The following PIAS1 variants were observed in gnomAD, a reference collection of about 807,000 sequenced individuals.
PIAS1 encodes protein inhibitor of activated STAT 1.
A neutral mutation model predicts 71.3 loss-of-function variants in PIAS1; 6 were observed. That is an observed-to-expected ratio of 0.08 (90% CI 0.05 to 0.17). PIAS1 has a LOEUF of 0.17. PIAS1 is among the 10% of genes least tolerant of loss of function. PIAS1 has a pLI of 1.00. For missense variants in PIAS1, 555 were observed against 793.6 expected, an observed-to-expected ratio of 0.70 and a Z score of 3.61; for synonymous variants, 303 against 292.9, an observed-to-expected ratio of 1.03 and a Z score of -0.35.
intron 2 of PIAS1, among the ~76,000 whole-genome samples, chr15:68,118,620 G>C (rs1163432200): frequency 2.0e-5 from 3 of 152,198 alleles, no homozygotes; most frequent in Admixed American, 6.5e-5. Context: ...GGAATTACAA[G>C]TGTGATCCAC....
intron 4 of PIAS1, among the ~76,000 whole-genome samples, chr15:68,143,262 T>G (rs769102714): frequency 6.6e-6 from 1 of 152,032 alleles, no homozygotes; most frequent in Non-Finnish European, 1.5e-5. Context: ...GTCTCAATAA[T>G]CAGATACTAA....
At chr15:68,062,691 T>A (rs909026752) in intron 1 of PIAS1, among the ~76,000 whole-genome samples, 1 of 152,242 alleles carries the variant, frequency 6.6e-6, no homozygotes, top group Non-Finnish European at 1.5e-5. Context: ...AATGTGTATG[T>A]CTGTATAATA....
chr15:68,179,486 C>T (rs1464423024), intron 11 of PIAS1, among the ~76,000 whole-genome samples: 1 of 149,978 alleles, frequency 6.7e-6, no homozygotes, highest in Non-Finnish European at 1.5e-5. Flanking sequence ...CTTCATATCC[C>T]ATTCATTAAA....
rs1357549924 is a variant in PIAS1, at chr15:68,136,317, G to A, written c.470-5629G>A. On this transcript the variant is annotated intron_variant, in intron 2 of 13. Transcript: ENST00000249636. ...TGCACTCCAGCCTGGGCACCATTGAGCACTGAGTGAACCAGACTCCGTCTG... is the reference window on the plus strand; with the variant it reads ...TGCACTCCAGCCTGGGCACCATTGAACACTGAGTGAACCAGACTCCGTCTG... Among the ~76,000 whole-genome samples, 7 of 53,514 alleles carry A rather than the reference G, an allele frequency of 1.3e-4. 3 individuals are homozygous for A. Among genetic ancestry groups the A allele is most frequent in the Middle Eastern group, 0.02 (2 of 102 alleles). 35.1% of individuals were successfully genotyped at this position (53,514 alleles called of 152,430 possible).
At chr15:68,149,270 A>G (rs1186937264) in intron 6 of PIAS1, among the ~76,000 whole-genome samples, 1 of 151,736 alleles carries the variant, frequency 6.6e-6, no homozygotes, top group Admixed American at 6.6e-5. Flanking sequence ...AGTCATCTGC[A>G]TATTGGTGGT....
chr15:68,176,377 G>T, intron 10 of PIAS1, 97 bp from the exon 11 acceptor site: 1 of 713,540 alleles, frequency 1.4e-6, no homozygotes. Context: ...CAACAATATT[G>T]TGAATCTAAA....
chr15:68,102,593 T>C lies in PIAS1; in HGVS notation c.469+15843T>C, dbSNP rs374607628. Among the ~76,000 whole-genome samples the C allele has an allele frequency of 2.6e-4, 40 of 152,334 alleles. 1 individual carries two copies. The East Asian group carries it at 3.3e-3, about 12-fold the overall frequency. ...TATATGAACATGGTATGTTGCCATT[T>C]GTTTAGATCTTTTTTAAAATTTTAT... is the stretch of plus-strand genomic sequence containing the variant. On this transcript the variant is annotated intron_variant, in intron 2 of 13. Transcript: ENST00000249636.
intron 1 of PIAS1, among the ~76,000 whole-genome samples, chr15:68,063,690 C>G (rs888737754): frequency 6.6e-6 from 1 of 152,112 alleles, no homozygotes; most frequent in Admixed American, 6.5e-5. Context: ...TCAGTTCTTA[C>G]AGAGGTTTTC....
chr15:68,058,314 T>C (rs2091918741), intron 1 of PIAS1, among the ~76,000 whole-genome samples: 7 of 152,250 alleles, frequency 4.6e-5, no homozygotes, highest in Admixed American at 3.9e-4. Flanking sequence ...ATCTTACTTA[T>C]ATAGTACTTT....
At chr15:68,058,546 G>A (rs545834290) in intron 1 of PIAS1, among the ~76,000 whole-genome samples, 1 of 152,268 alleles carries the variant, frequency 6.6e-6, no homozygotes, top group Admixed American at 6.5e-5. Flanking sequence ...GTCCTCTAGG[G>A]TGCCCAGTTC....
rs1281900867 is a variant in PIAS1 at position 68,105,315 on chromosome 15, C to T, written c.469+18565C>T. On this transcript the variant is annotated intron_variant, in intron 2 of 13. Coordinates refer to ENST00000249636, the MANE Select transcript of PIAS1 (RefSeq NM_016166.3). ...TTACTTTTAGATAAGTAAATCAGGCCATTTGTTTGTATTTATTATTGGTAT... is the reference window on the plus strand; with the variant it reads ...TTACTTTTAGATAAGTAAATCAGGCTATTTGTTTGTATTTATTATTGGTAT... 5.9e-5 allele frequency among the ~76,000 whole-genome samples: 9 copies of T among 152,116 alleles called. No individual in the cohort carries two copies. In the South Asian group the frequency reaches 1.7e-3, roughly 28 times the overall value.
intron 2 of PIAS1, among the ~76,000 whole-genome samples, chr15:68,115,959 A>G (rs1471407334): frequency 6.6e-6 from 1 of 152,080 alleles, no homozygotes; most frequent in Non-Finnish European, 1.5e-5. Context: ...GTTTGCATTT[A>G]TGTTCATGAC....
intron 1 of PIAS1, among the ~76,000 whole-genome samples, chr15:68,069,096 A>G (rs1299675133): frequency 2.0e-5 from 3 of 148,888 alleles, no homozygotes; most frequent in Non-Finnish European, 4.5e-5. Flanking sequence ...GGGTTTCACC[A>G]TGTTGGCCAG....
At chr15:68,056,246 G>C (rs753707847) in intron 1 of PIAS1, among the ~76,000 whole-genome samples, 2 of 152,224 alleles carry the variant, frequency 1.3e-5, no homozygotes, top group Non-Finnish European at 2.9e-5. Context: ...TGAAAAGCAT[G>C]TGCAGACTAT....
chr15:68,115,542 T>G (rs2092558726), intron 2 of PIAS1, among the ~76,000 whole-genome samples: 1 of 152,156 alleles, frequency 6.6e-6, no homozygotes, highest in Non-Finnish European at 1.5e-5. Flanking sequence ...TTTTTCTTGC[T>G]TTATTGTGCT....
intron 1 of PIAS1, among the ~76,000 whole-genome samples, chr15:68,081,947 A>C (rs2092233477): frequency 6.6e-6 from 1 of 151,808 alleles, no homozygotes; most frequent in African/African-American, 2.4e-5. Flanking sequence ...ACATTGTAAA[A>C]TTTCAGAACA....
intron 6 of PIAS1, among the ~76,000 whole-genome samples, chr15:68,153,037 T>C (rs1457372487): frequency 6.6e-6 from 1 of 151,984 alleles, no homozygotes; most frequent in East Asian, 1.9e-4. Flanking sequence ...CCTCTGCTTG[T>C]TGTGATAATG....
intron 2 of PIAS1, among the ~76,000 whole-genome samples, chr15:68,111,719 T>C (rs1290497015): frequency 3.3e-5 from 5 of 152,192 alleles, no homozygotes; most frequent in African/African-American, 1.2e-4. Flanking sequence ...GTAAAACTAC[T>C]GAGAGTTCAT....
intron 1 of PIAS1, among the ~76,000 whole-genome samples, chr15:68,070,151 C>T (rs889636417): frequency 2.6e-5 from 4 of 152,096 alleles, no homozygotes; most frequent in African/African-American, 7.2e-5. Flanking sequence ...TTGAGATTGA[C>T]GACTGTGGAT....
Sources: allele counts gnomAD v4.1 joint callset (sites outside exome capture counted in the v4.1 genomes callset), GRCh38; gene constraint gnomAD v4.1.1; transcripts MANE v1.5; gene names NCBI Gene and HGNC (gene_info 2026-07-23, HGNC 2026-07-21).